Variants in GRID1 observed in about 807,000 individuals in gnomAD.
GRID1 encodes glutamate receptor ionotropic, delta-1.
GRID1 carries 28 observed loss-of-function variants against 98.0 expected under a neutral mutation model. The observed-to-expected ratio is 0.29, with a 90% CI of 0.21 to 0.39. The LOEUF (loss-of-function observed/expected upper bound fraction) is 0.39. Among genes scored for constraint, GRID1 ranks in the 10% least tolerant of loss-of-function variants. The pLI, the probability that GRID1 is intolerant of heterozygous loss-of-function variation, is 1.00. For missense variants in GRID1, 1,111 were observed against 1,340.5 expected (o/e 0.83, Z 2.67); for synonymous variants, 553 against 538.5 (o/e 1.03, Z -0.37).
intron 4 of GRID1, among the ~76,000 whole-genome samples, chr10:86,086,455 C>T (rs1190645888): frequency 3.3e-5 from 5 of 152,204 alleles, no homozygotes; most frequent in Admixed American, 3.3e-4. Flanking sequence ...CGACTGTTCC[C>T]ACCCTACAGA....
chr10:86,354,417 C>G (rs948501855), intron 2 of GRID1, among the ~76,000 whole-genome samples: 1 of 152,202 alleles, frequency 6.6e-6, no homozygotes, highest in Non-Finnish European at 1.5e-5. Context: ...TACTATGTGC[C>G]GGCACCCACG....
At chr10:86,355,387 C>G (rs1348778741) in intron 2 of GRID1, among the ~76,000 whole-genome samples, 2 of 152,236 alleles carry the variant, frequency 1.3e-5, no homozygotes, top group Non-Finnish European at 2.9e-5. Flanking sequence ...GCCCAGCTGC[C>G]TCATCTAGGG....
intron 2 of GRID1, among the ~76,000 whole-genome samples, chr10:86,221,776 T>A (rs1452371866): frequency 1.3e-5 from 2 of 152,100 alleles, no homozygotes; most frequent in Non-Finnish European, 2.9e-5. Context: ...TTTGTTTTGA[T>A]CCCAGGAGCA....
At position 86,165,931 on chromosome 10, in the gene GRID1, G is replaced by A. The variant is rs747642142; in HGVS notation, c.521-26907C>T. Among the ~76,000 whole-genome samples the A allele has an allele frequency of 5.9e-5, 9 of 152,146 alleles. 1 individual carries two copies. Among genetic ancestry groups the A allele is most frequent in the South Asian group, 4.1e-4 (2 of 4,832 alleles). ...CAGAGCAACGGTTCCCACCACAATCGGAGGAGGCTCCGGTCATGCTGATTG... is the reference window on the plus strand; with the variant it reads ...CAGAGCAACGGTTCCCACCACAATCAGAGGAGGCTCCGGTCATGCTGATTG... On this transcript the variant is annotated intron_variant, in intron 3 of 15. Coordinates refer to ENST00000327946, the MANE Select transcript of GRID1 (RefSeq NM_017551.3).
chr10:86,128,123 G>T (rs2131964413), intron 4 of GRID1, among the ~76,000 whole-genome samples: 1 of 152,324 alleles, frequency 6.6e-6, no homozygotes, highest in East Asian at 1.9e-4. Flanking sequence ...GCCCTGGAAA[G>T]AAAAGCATCA....
chr10:85,901,743 A>G (rs968422794), intron 5 of GRID1, among the ~76,000 whole-genome samples: 1 of 152,200 alleles, frequency 6.6e-6, no homozygotes. Context: ...TGTGATCTAA[A>G]GCACAATGGT....
At chr10:85,901,450 G>A (rs558843801) in intron 5 of GRID1, among the ~76,000 whole-genome samples, 12 of 152,034 alleles carry the variant, frequency 7.9e-5, no homozygotes, top group East Asian at 1.9e-4. Context: ...GGGTTTCACC[G>A]TGTTAGCCAG....
intron 4 of GRID1, among the ~76,000 whole-genome samples, chr10:86,068,746 C>T (rs1843755685): frequency 1.3e-5 from 2 of 152,302 alleles, no homozygotes; most frequent in African/African-American, 2.4e-5. Flanking sequence ...CACCCAAGGA[C>T]ACAGGCATCC....
At chr10:86,336,213 C>T (rs1356359587) in intron 2 of GRID1, among the ~76,000 whole-genome samples, 1 of 152,208 alleles carries the variant, frequency 6.6e-6, no homozygotes, top group Non-Finnish European at 1.5e-5. Flanking sequence ...GATTGTTTCA[C>T]AGTGTTTGCA....
chr10:86,289,841 GC>G (rs914754412), intron 2 of GRID1, among the ~76,000 whole-genome samples: 15 of 152,214 alleles, frequency 9.9e-5, no homozygotes, highest in African/African-American at 3.6e-4. Context: ...CTTTGCCTGA[GC>G]TTTCCAAACA....
At chr10:85,697,761 C>A (rs1441211580) in intron 12 of GRID1, among the ~76,000 whole-genome samples, 1 of 152,142 alleles carries the variant, frequency 6.6e-6, no homozygotes, top group Non-Finnish European at 1.5e-5. Flanking sequence ...TCACTTCAGG[C>A]TATTGAAATT....
intron 4 of GRID1, among the ~76,000 whole-genome samples, chr10:86,097,556 A>G (rs896899169): frequency 1.3e-5 from 2 of 152,136 alleles, no homozygotes; most frequent in African/African-American, 4.8e-5. Context: ...TCATCTATCT[A>G]TCTATAATCT....
At chr10:85,910,767 G>A (rs532694419) in intron 5 of GRID1, among the ~76,000 whole-genome samples, 1 of 152,318 alleles carries the variant, frequency 6.6e-6, no homozygotes, top group African/African-American at 2.4e-5. Context: ...AAAGAGATCA[G>A]CTTGTTCAGG....
intron 2 of GRID1, among the ~76,000 whole-genome samples, chr10:86,272,380 T>G (rs1321472875): frequency 6.6e-6 from 1 of 152,162 alleles, no homozygotes; most frequent in African/African-American, 2.4e-5. Flanking sequence ...TTTAGGAAGG[T>G]ATTGTGGCAT....
At chr10:86,147,726 G>A (rs1281565929) in intron 3 of GRID1, among the ~76,000 whole-genome samples, 1 of 152,182 alleles carries the variant, frequency 6.6e-6, no homozygotes, top group Admixed American at 6.5e-5. Context: ...TGGAGGGCCT[G>A]TCTCTCCCTG....
chr10:85,682,272 A>G (rs1841218922), intron 12 of GRID1, among the ~76,000 whole-genome samples: 1 of 152,182 alleles, frequency 6.6e-6, no homozygotes, highest in Admixed American at 6.5e-5. Flanking sequence ...GAAATGGAAA[A>G]AAATGCAATC....
At position 86,037,075 on chromosome 10, in the gene GRID1, T is replaced by A. The variant is rs921350819; in HGVS notation, c.726+101744A>T. Among the ~76,000 whole-genome samples the A allele has an allele frequency of 2.0e-5, 3 of 152,236 alleles. No homozygotes were observed. The East Asian group carries it at 5.8e-4, about 29-fold the overall frequency. On this transcript the variant is annotated intron_variant, in intron 4 of 15. Coordinates refer to ENST00000327946, the MANE Select transcript of GRID1 (RefSeq NM_017551.3). ...GTACTTATGCAATCAGAGTGAGTTCTAAAGGTGCCCTTTTGATACCACTTT... is the reference window on the plus strand; with the variant it reads ...GTACTTATGCAATCAGAGTGAGTTCAAAAGGTGCCCTTTTGATACCACTTT...
chr10:85,734,309 A>T (rs1841856258), intron 8 of GRID1, among the ~76,000 whole-genome samples: 1 of 152,144 alleles, frequency 6.6e-6, no homozygotes, highest in South Asian at 2.1e-4. Context: ...AATCCAAGTA[A>T]TCTTTCTCTG....
chr10:85,978,193 C>T (rs1328185365), intron 4 of GRID1, among the ~76,000 whole-genome samples: 1 of 152,122 alleles, frequency 6.6e-6, no homozygotes. Flanking sequence ...TTTTTTAAAT[C>T]CCCCAAAGCC....
Sources: gnomAD v4.1 joint callset for allele counts (sites outside exome capture counted in the v4.1 genomes callset) on GRCh38, gnomAD v4.1.1 for gene constraint, MANE v1.5 for transcripts, NCBI Gene and HGNC (gene_info 2026-07-23, HGNC 2026-07-21) for gene names.